Variants in ZNF37A observed in about 807,000 individuals in gnomAD.
ZNF37A encodes the protein zinc finger protein 37A, also known as zinc finger protein 37a (KOX 21).
Under a neutral mutation model 12.3 loss-of-function variants are expected in ZNF37A, and 10 were observed. The observed-to-expected ratio is 0.82, with a 90% CI of 0.50 to 1.38. ZNF37A has a LOEUF of 1.38. Ranked by LOEUF, ZNF37A falls within the 40% of genes most tolerant of loss-of-function variation. The pLI is 0.00. For synonymous variants in ZNF37A, 207 were observed against 223.0 expected (o/e 0.93, Z 0.64); for missense variants, 580 against 651.2 (o/e 0.89, Z 1.19).
intron 7 of ZNF37A, among the ~76,000 whole-genome samples, chr10:38,130,775 C>T (rs1035769881): frequency 1.6e-4 from 24 of 152,096 alleles, no homozygotes; most frequent in African/African-American, 5.3e-4. Flanking sequence ...TAGCCCACCA[C>T]GCTATTTTCA....
At chr10:38,107,051 A>G (rs117569796) in intron 5 of ZNF37A, among the ~76,000 whole-genome samples, 32 of 152,270 alleles carry the variant, frequency 2.1e-4, no homozygotes, top group Non-Finnish European at 4.6e-4. Context: ...ACACATAATC[A>G]TCAGATTCAG....
At position 38,097,188 on chromosome 10, in the gene ZNF37A, A is replaced by G. The variant is rs184043643; in HGVS notation, c.15+556A>G. The stretch of plus-strand genomic sequence containing the variant: ...TGACACTGTGAAACTTCTGATGACA[A>G]TCTTGCAGTTACATGAAAAAGTAGT... On this transcript the variant is annotated intron_variant, in intron 5 of 7. Coordinates refer to ENST00000685332, the MANE Select transcript of ZNF37A (RefSeq NM_001324250.3). Among the ~76,000 whole-genome samples the G allele has an allele frequency of 2.9e-4, 44 of 152,352 alleles. 1 individual carries two copies. The East Asian group carries it at 8.1e-3, about 28-fold the overall frequency.
chr10:38,112,795 CT>C (rs1415267400), intron 5 of ZNF37A, among the ~76,000 whole-genome samples: 1,727 of 57,072 alleles, frequency 0.03, 232 homozygotes, highest in Non-Finnish European at 0.036. Context: ...CTTTTCTTTT[CT>C]TGTCTTGTCT....
intron 7 of ZNF37A, among the ~76,000 whole-genome samples, chr10:38,131,030 C>A (rs2070019774): frequency 6.6e-6 from 1 of 151,830 alleles, no homozygotes. Context: ...TTTTCAAGTC[C>A]TTTGCTTGCT....
chr10:38,111,036 C>T (rs1476068903), intron 5 of ZNF37A, among the ~76,000 whole-genome samples: 10 of 152,058 alleles, frequency 6.6e-5, no homozygotes, highest in Non-Finnish European at 1.0e-4. Context: ...TGCATACATA[C>T]GTTTTTTTGT....
intron 5 of ZNF37A, among the ~76,000 whole-genome samples, chr10:38,113,697 C>T (rs1456908305): frequency 6.6e-6 from 1 of 152,204 alleles, no homozygotes; most frequent in Non-Finnish European, 1.5e-5. Context: ...ATCTCCACTG[C>T]TGCCCCTTGG....
chr10:38,104,621 T>C (rs1356514305), intron 5 of ZNF37A, among the ~76,000 whole-genome samples: 3 of 152,154 alleles, frequency 2.0e-5, no homozygotes, highest in Admixed American at 1.3e-4. Context: ...TTTCCTGCAG[T>C]ACCTCTACCA....
downstream of ZNF37A, among the ~76,000 whole-genome samples, chr10:38,129,395 G>A (rs2069985958): frequency 6.6e-6 from 1 of 150,422 alleles, no homozygotes; most frequent in African/African-American, 2.4e-5. Context: ...TAGGTAAATT[G>A]TGTGTTGCAG....
intron 7 of ZNF37A, among the ~76,000 whole-genome samples, chr10:38,135,149 G>A (rs1440715270): frequency 6.6e-6 from 1 of 152,190 alleles, no homozygotes; most frequent in Non-Finnish European, 1.5e-5. Flanking sequence ...CACTTTGGGA[G>A]GCCAAGGCAG....
At chr10:38,094,838 G>A (rs1187397036) in intron 1 of ZNF37A, 93 bp from the exon 2 acceptor site, 1 of 152,324 alleles carries the variant, frequency 6.6e-6, no homozygotes, top group African/African-American at 2.4e-5. Context: ...ATGGGGTGGG[G>A]GGAAGCGCCC....
intron 7 of ZNF37A, chr10:38,138,918 C>A (rs2070145229): frequency 6.6e-6 from 1 of 152,170 alleles, no homozygotes; most frequent in African/African-American, 2.4e-5. Context: ...AAAGGTCCTC[C>A]TAAAGACACA....
intron 4 of ZNF37A, among the ~76,000 whole-genome samples, chr10:38,096,337 C>A (rs2067152991): frequency 1.3e-5 from 2 of 152,146 alleles, no homozygotes; most frequent in Non-Finnish European, 2.9e-5. Context: ...TCCTAACTTG[C>A]TTAATTAGTT....
At chr10:38,148,390 C>T (rs1398328691) in exon 8 of ZNF37A, 1 of 152,232 alleles carries the variant, frequency 6.6e-6, no homozygotes, top group East Asian at 1.9e-4. Context: ...TGGAGAATTT[C>T]ATGGGAACAG....
At chr10:38,102,017 A>C (rs759590170) in intron 5 of ZNF37A, among the ~76,000 whole-genome samples, 1 of 151,450 alleles carries the variant, frequency 6.6e-6, no homozygotes, top group Non-Finnish European at 1.5e-5. Context: ...TTTTTCTTTT[A>C]GTAGAGACGG....
At chr10:38,114,997 A>G in intron 6 of ZNF37A, 116 bp downstream of exon 6, 1 of 1,404,518 alleles carries the variant, frequency 7.1e-7, no homozygotes, top group South Asian at 1.4e-5. Context: ...TTCAGAGGTC[A>G]AGGACAATTT....
intron 5 of ZNF37A, among the ~76,000 whole-genome samples, chr10:38,103,809 T>C (rs2067795188): frequency 6.6e-6 from 1 of 152,236 alleles, no homozygotes; most frequent in African/African-American, 2.4e-5. Flanking sequence ...AGTTTAGTGG[T>C]CGTCTGTGAT....
intron 7 of ZNF37A, chr10:38,141,893 C>T (rs2070188970): frequency 6.6e-6 from 1 of 152,110 alleles, no homozygotes; most frequent in Non-Finnish European, 1.5e-5. Flanking sequence ...GCAGATCACT[C>T]TAGCCCAGGA....
intron 1 of ZNF37A, 52 bp downstream of exon 1, chr10:38,094,542 G>A (rs1282934574): frequency 6.6e-6 from 1 of 152,470 alleles, no homozygotes; most frequent in Non-Finnish European, 1.5e-5. Context: ...CGCGCGGCCT[G>A]GGGGTGGGAG....
downstream of ZNF37A, chr10:38,125,516 G>T (rs559063129): frequency 3.0e-4 from 46 of 152,212 alleles, no homozygotes; most frequent in African/African-American, 1.1e-3. Flanking sequence ...AGAGGAGATG[G>T]TAAAATGAAC....
Sources: gnomAD v4.1 joint callset for allele counts (sites outside exome capture counted in the v4.1 genomes callset) on GRCh38, gnomAD v4.1.1 for gene constraint, MANE v1.5 for transcripts, NCBI Gene and HGNC (gene_info 2026-07-23, HGNC 2026-07-21) for gene names.